PRKG1: variants seen among roughly 807,000 people sequenced by gnomAD.
PRKG1 encodes the protein cGMP-dependent protein kinase 1.
In PRKG1, 35 loss-of-function variants were observed where a neutral mutation model predicts 88.1. The observed-to-expected ratio is 0.40, with a 90% CI of 0.30 to 0.53. The LOEUF is 0.53. Ranked by LOEUF, PRKG1 falls within the 20% of genes least tolerant of loss-of-function variation. The pLI is 0.59. For synonymous variants in PRKG1, 303 were observed against 292.5 expected (o/e 1.04, Z -0.37); for missense variants, 540 against 839.8 (o/e 0.64, Z 4.41).
chr10:51,790,970 A>G (rs1838855655), intron 3 of PRKG1, among the ~76,000 whole-genome samples: 1 of 152,108 alleles, frequency 6.6e-6, no homozygotes, highest in Non-Finnish European at 1.5e-5. Flanking sequence ...ACTTCTTAGC[A>G]CAAGATTCAA....
intron 1 of PRKG1, among the ~76,000 whole-genome samples, chr10:51,056,756 C>T (rs1843630600): frequency 6.6e-6 from 1 of 152,142 alleles, no homozygotes; most frequent in Admixed American, 6.6e-5. Context: ...TGGTCCTTGT[C>T]TGTCTCCTAT....
At chr10:52,169,115 G>A (rs895949470) in intron 9 of PRKG1, among the ~76,000 whole-genome samples, 2 of 152,124 alleles carry the variant, frequency 1.3e-5, no homozygotes, top group Non-Finnish European at 2.9e-5. Flanking sequence ...AAAGGTTAGA[G>A]AAGAAAGAAG....
At chr10:51,899,344 A>T (rs1361651479) in intron 4 of PRKG1, among the ~76,000 whole-genome samples, 1 of 152,074 alleles carries the variant, frequency 6.6e-6, no homozygotes, top group Non-Finnish European at 1.5e-5. Flanking sequence ...TTTTTAATTA[A>T]AATAACCATA....
intron 1 of PRKG1, among the ~76,000 whole-genome samples, chr10:51,009,222 A>G (rs1326427036): frequency 6.6e-6 from 1 of 152,232 alleles, no homozygotes; most frequent in Non-Finnish European, 1.5e-5. Flanking sequence ...AACAAATGGA[A>G]TAAACCACAA....
chr10:52,028,499 A>G (rs538715405), intron 5 of PRKG1, among the ~76,000 whole-genome samples: 2 of 152,246 alleles, frequency 1.3e-5, no homozygotes, highest in East Asian at 1.9e-4. Flanking sequence ...TATCATCTCC[A>G]CTTCAGTGTA....
At chr10:51,195,120 T>C (rs1483479455) in intron 2 of PRKG1, among the ~76,000 whole-genome samples, 5 of 152,302 alleles carry the variant, frequency 3.3e-5, no homozygotes, top group Admixed American at 2.6e-4. Flanking sequence ...GCTTTAGAAA[T>C]TGATGGAAAC....
At chr10:51,995,334 C>A (rs1255603950) in intron 5 of PRKG1, among the ~76,000 whole-genome samples, 1 of 152,088 alleles carries the variant, frequency 6.6e-6, no homozygotes, top group Non-Finnish European at 1.5e-5. Context: ...CATGCAGTTA[C>A]ATTGACCTTA....
chr10:51,208,190 GA>G (rs891706694), intron 2 of PRKG1, among the ~76,000 whole-genome samples: 10 of 152,208 alleles, frequency 6.6e-5, no homozygotes, highest in African/African-American at 2.4e-4. Context: ...TCCACTGGTA[GA>G]AAAATAAGCT....
chr10:51,699,744 T>C (rs530709899), intron 3 of PRKG1, among the ~76,000 whole-genome samples: 1 of 152,354 alleles, frequency 6.6e-6, no homozygotes, highest in East Asian at 1.9e-4. Context: ...TCCCTGATCC[T>C]TCATGGTTCT....
chr10:51,977,416 T>C (rs995197452), intron 5 of PRKG1, among the ~76,000 whole-genome samples: 3 of 152,104 alleles, frequency 2.0e-5, no homozygotes, highest in African/African-American at 4.8e-5. Context: ...TTGTGAGTAG[T>C]GCTGCAATGA....
chr10:51,198,130 T>A (rs1292361171), intron 2 of PRKG1, among the ~76,000 whole-genome samples: 1 of 152,152 alleles, frequency 6.6e-6, no homozygotes, highest in Non-Finnish European at 1.5e-5. Flanking sequence ...AAGTCAGTAG[T>A]CACAGTTTTG....
At chr10:51,851,843 C>G (rs180769237) in intron 4 of PRKG1, among the ~76,000 whole-genome samples, 19 of 152,224 alleles carry the variant, frequency 1.2e-4, no homozygotes, top group African/African-American at 3.9e-4. Context: ...AAATTAAAAG[C>G]TAGTCCATTA....
chr10:51,865,024 C>T (rs1224032339), intron 4 of PRKG1, among the ~76,000 whole-genome samples: 1 of 152,032 alleles, frequency 6.6e-6, no homozygotes, highest in African/African-American at 2.4e-5. Flanking sequence ...TTGTTAAAGG[C>T]AGAACATTTA....
rs907660253 is a variant in PRKG1, at chr10:52,025,507, G to A, written c.763-28977G>A. ...CCATCTTGAATTAATTTTTGTATAA[G>A]GTATAAGGAAGGGATCCAGTTTCAG... On this transcript the variant is annotated intron_variant, in intron 5 of 17. Transcript: ENST00000373980. Among the ~76,000 whole-genome samples, 10 of 152,060 alleles carry A rather than the reference G, an allele frequency of 6.6e-5. 1 individual carries two copies. The highest frequency in any genetic ancestry group is 5.9e-4 in the Admixed American group (9 of 15,258).
At chr10:51,970,464 C>CTTTTTTTTTTTTTTTTTTT (rs1843682077) in intron 5 of PRKG1, among the ~76,000 whole-genome samples, 1 of 151,146 alleles carries the variant, frequency 6.6e-6, no homozygotes, top group Non-Finnish European at 1.5e-5. Flanking sequence ...GATGCAATCA[C>CTTTTTTTTTTTTTTTTTTT]TTTTAAAACC....
intron 3 of PRKG1, among the ~76,000 whole-genome samples, chr10:51,694,438 A>G (rs1193169575): frequency 1.3e-5 from 2 of 152,256 alleles, no homozygotes; most frequent in Admixed American, 6.5e-5. Context: ...TTACTTAGAT[A>G]AGCCTACTTT....
In PRKG1 at chr10:52,271,341, T is replaced by G. The variant is rs372515971; in HGVS notation, c.1174-9T>G. The G allele has an allele frequency of 1.2e-4, 193 of 1,610,834 alleles. No individual in the cohort carries two copies. The highest frequency in any genetic ancestry group is 1.5e-4 in the Non-Finnish European group (180 of 1,177,848). On this transcript the variant is annotated splice_polypyrimidine_tract_variant and intron_variant, in intron 10 of 17. Coordinates refer to ENST00000373980, the MANE Select transcript of PRKG1 (RefSeq NM_006258.4). ...GGCTTTTTCTTACTCTCTTCTCTCT[T>G]TCTTTAAGGTCCAGTTGAAAAGTGA... is the stretch of plus-strand genomic sequence containing the variant.
intron 9 of PRKG1, among the ~76,000 whole-genome samples, chr10:52,239,483 G>A (rs1415511131): frequency 1.4e-5 from 1 of 71,078 alleles, no homozygotes; most frequent in East Asian, 3.7e-4. Context: ...ATATATATGA[G>A]GAAAAAAATA....
intron 1 of PRKG1, among the ~76,000 whole-genome samples, chr10:51,094,958 G>A (rs944283200): frequency 3.9e-5 from 6 of 152,134 alleles, no homozygotes; most frequent in African/African-American, 7.2e-5. Flanking sequence ...CAAAGTCACA[G>A]CGTAGTATAC....
Sources: allele counts gnomAD v4.1 joint callset (sites outside exome capture counted in the v4.1 genomes callset), GRCh38; gene constraint gnomAD v4.1.1; transcripts MANE v1.5; gene names NCBI Gene and HGNC (gene_info 2026-07-23, HGNC 2026-07-21).